Variants in PCDHGB3 observed in about 807,000 individuals in gnomAD.
PCDHGB3 encodes protocadherin gamma-B3.
PCDHGB3 carries 40 observed loss-of-function variants against 59.2 expected under a neutral mutation model. The observed-to-expected ratio is 0.68, with a 90% CI of 0.52 to 0.88. The LOEUF (loss-of-function observed/expected upper bound fraction) is 0.88. Among genes scored for constraint, PCDHGB3 ranks in the 40% least tolerant of loss-of-function variants. The pLI, the probability that PCDHGB3 is intolerant of heterozygous loss-of-function variation, is 0.00. For missense variants in PCDHGB3, 1,309 were observed against 1,187.9 expected (o/e 1.10, Z -1.50); for synonymous variants, 581 against 503.6 (o/e 1.15, Z -2.06).
At chr5:141,482,089 C>CA (rs36035257) in intron 1 of PCDHGB3, among the ~76,000 whole-genome samples, 13,509 of 134,292 alleles carry the variant, frequency 0.1, 910 homozygotes, top group African/African-American at 0.2. Context: ...CACTCCATCT[C>CA]AAAAAAAAAA....
intron 1 of PCDHGB3, chr5:141,392,777 A>G (rs1226924811): frequency 1.3e-6 from 2 of 1,529,440 alleles, no homozygotes; most frequent in Non-Finnish European, 1.8e-6. Flanking sequence ...ATTTATGCAC[A>G]GTGAAGATTC....
intron 1 of PCDHGB3, among the ~76,000 whole-genome samples, chr5:141,452,585 G>A (rs1310395736): frequency 6.6e-6 from 1 of 151,984 alleles, no homozygotes; most frequent in Non-Finnish European, 1.5e-5. Context: ...TTCCATCTTT[G>A]TATTTTTATT....
intron 1 of PCDHGB3, chr5:141,396,067 T>C (rs924469652): frequency 6.6e-6 from 1 of 152,222 alleles, no homozygotes; most frequent in African/African-American, 2.4e-5. Context: ...GCTGTTTCGG[T>C]TGTGCATTGA....
intron 1 of PCDHGB3, chr5:141,442,062 G>A (rs1001398926): frequency 7.0e-5 from 13 of 185,900 alleles, no homozygotes; most frequent in Admixed American, 1.3e-4. Context: ...GGTGCACTGC[G>A]GTGGACAGCC....
chr5:141,427,865 G>A, intron 1 of PCDHGB3: 1 of 1,558,148 alleles, frequency 6.4e-7, no homozygotes. Flanking sequence ...GCGCCTTCGA[G>A]CTCACGATGC....
At chr5:141,427,722 G>C (rs755543438) in intron 1 of PCDHGB3, 7 of 1,120,986 alleles carry the variant, frequency 6.2e-6, no homozygotes, top group Non-Finnish European at 9.3e-6. Context: ...CCTGGACCTA[G>C]GGCTGAATGG....
chr5:141,406,998 A>T (rs138992041), intron 1 of PCDHGB3, among the ~76,000 whole-genome samples: 1 of 152,234 alleles, frequency 6.6e-6, no homozygotes, highest in Non-Finnish European at 1.5e-5. Context: ...ATTTGAAAAT[A>T]AGCTTTGAAG....
intron 1 of PCDHGB3, chr5:141,385,577 T>C: frequency 1.6e-6 from 2 of 1,290,108 alleles, no homozygotes; most frequent in Non-Finnish European, 2.0e-6. Context: ...TACTTTCCAA[T>C]CTATGTTCCA....
intron 1 of PCDHGB3, chr5:141,400,004 G>T (rs750835037): frequency 2.5e-6 from 4 of 1,612,420 alleles, no homozygotes; most frequent in East Asian, 2.2e-5. Flanking sequence ...CGCACAGCGC[G>T]TGCCTTGGGC....
At chr5:141,386,929 A>G (rs1329848875) in intron 1 of PCDHGB3, among the ~76,000 whole-genome samples, 1 of 152,216 alleles carries the variant, frequency 6.6e-6, no homozygotes, top group Non-Finnish European at 1.5e-5. Context: ...AAATAAGTGC[A>G]GAGGTAGGAA....
intron 1 of PCDHGB3, chr5:141,410,596 T>C: frequency 1.2e-6 from 2 of 1,608,810 alleles, no homozygotes; most frequent in Non-Finnish European, 1.7e-6. Flanking sequence ...AGGATTTGAC[T>C]TCACATCCTG....
intron 2 of PCDHGB3, among the ~76,000 whole-genome samples, chr5:141,496,767 T>C (rs2099771224): frequency 6.6e-6 from 1 of 152,040 alleles, no homozygotes; most frequent in Non-Finnish European, 1.5e-5. Flanking sequence ...ATCGAGCATC[T>C]ACTATGAGCA....
intron 1 of PCDHGB3, chr5:141,413,841 T>A: frequency 6.2e-7 from 1 of 1,613,060 alleles, no homozygotes; most frequent in Non-Finnish European, 8.5e-7. Flanking sequence ...CCGACGGGGG[T>A]GACCCTCTCC....
intron 1 of PCDHGB3, chr5:141,404,335 C>G (rs2094514976): frequency 1.2e-6 from 2 of 1,613,936 alleles, no homozygotes; most frequent in Non-Finnish European, 1.7e-6. Context: ...CAGTCTACCT[C>G]CCGGAAAACA....
chr5:141,510,272 TA>T (rs546154379), intron 3 of PCDHGB3, among the ~76,000 whole-genome samples: 4,704 of 130,308 alleles, frequency 0.036, 80 homozygotes, highest in South Asian at 0.057. Flanking sequence ...GACTCCATCT[TA>T]AAAAAAAAAA....
chr5:141,386,228 G>A (rs2090502520), intron 1 of PCDHGB3, among the ~76,000 whole-genome samples: 1 of 152,100 alleles, frequency 6.6e-6, no homozygotes, highest in Non-Finnish European at 1.5e-5. Context: ...TAGGTCTACT[G>A]AAAAATTCAG....
At chr5:141,395,620 CAAG>C (rs1298520628) in intron 1 of PCDHGB3, 1 of 189,326 alleles carries the variant, frequency 5.3e-6, no homozygotes, top group Non-Finnish European at 1.1e-5. Flanking sequence ...AGAAAATTAT[CAAG>C]AAGTCTAAAG....
At position 141,431,952 on chromosome 5, in the gene PCDHGB3, AC is replaced by A; in HGVS notation, c.2415+59144del. ...CTGCCCTTTAAATTAGAAAAATCTTACGGAAATTACTATAGTTTAGTCACAG... is the reference window on the plus strand; with the variant it reads ...CTGCCCTTTAAATTAGAAAAATCTTAGGAAATTACTATAGTTTAGTCACAG... On this transcript the variant is annotated intron_variant, in intron 1 of 3. Transcript: ENST00000576222. This position sits in a 1 kb window ranked among gnomAD's most constrained non-coding sequence, Gnocchi z 4.8. 1 of 1,614,166 alleles carries A rather than the reference AC, an allele frequency of 6.2e-7. No homozygotes were observed. The highest frequency in any genetic ancestry group is 1.1e-5 in the South Asian group (1 of 91,090).
chr5:141,421,750 C>A lies in PCDHGB3; in HGVS notation c.2415+48941C>A, dbSNP rs766529731. On this transcript the variant is annotated intron_variant, in intron 1 of 3. Coordinates refer to ENST00000576222, the MANE Select transcript of PCDHGB3 (RefSeq NM_018924.5). ...CTCCCTCCAGAGCTACCAGCTCAGC[C>A]CTAATAATTACTTTTCCTTGCAACT... 4.3e-6 allele frequency: 7 copies of A among 1,613,788 alleles called. No individual in the cohort carries two copies. Among genetic ancestry groups the A allele is most frequent in the Non-Finnish European group, 5.9e-6 (7 of 1,179,864 alleles).
Sources: allele counts gnomAD v4.1 joint callset (sites outside exome capture counted in the v4.1 genomes callset), GRCh38; gene constraint gnomAD v4.1.1; non-coding constraint Gnocchi (gnomAD v3.1); transcripts MANE v1.5; gene names NCBI Gene and HGNC (gene_info 2026-07-23, HGNC 2026-07-21).